The following SOS1 variants were observed in gnomAD, a reference collection of about 807,000 sequenced individuals.
SOS1 encodes son of sevenless homolog 1.
Under a neutral mutation model 157.6 loss-of-function variants are expected in SOS1, and 25 were observed. That is an observed-to-expected ratio of 0.16 (90% CI 0.12 to 0.22). The LOEUF (loss-of-function observed/expected upper bound fraction) is 0.22, where lower values mean the gene tolerates loss of function less well. Ranked by LOEUF, SOS1 falls within the 10% of genes least tolerant of loss-of-function variation. The pLI is 1.00. For synonymous variants in SOS1, 528 were observed against 534.0 expected, an observed-to-expected ratio of 0.99 and a Z score of 0.16; for missense variants, 1,237 against 1,599.1, an observed-to-expected ratio of 0.77 and a Z score of 3.86.
Position 39,007,114 on chromosome 2 carries a change from C to G in SOS1, c.2590G>C (p.Glu864Gln), listed in dbSNP as rs778194173. 6.2e-7 allele frequency: 1 copy of G among 1,604,696 alleles called. No individual in the cohort carries two copies. The highest frequency in any genetic ancestry group is 8.5e-7 in the Non-Finnish European group (1 of 1,171,534). Residue 864 changes from glutamate to glutamine, a missense_variant, in exon 16 of 23, where the codon GAG (glutamate) becomes CAG (glutamine). Around this residue, in one of 15 missense-constraint regions of SOS1, gnomAD observed 105 missense variants for 236.0 expected, o/e 0.44. Coordinates refer to ENST00000402219, the MANE Select transcript of SOS1 (RefSeq NM_005633.4). Reference sequence around the variant, plus strand: ...AGGACACCATTAAAGTTGTTCAACTCTTGAAAGACTTGTAGAATCTCAATA... The same window carrying G: ...AGGACACCATTAAAGTTGTTCAACTGTTGAAAGACTTGTAGAATCTCAATA... ...RIIEILQVFQ[E>Q]LNNFNGVLEV...
chr2:39,074,599 G>A (rs1671900756), intron 1 of SOS1, among the ~76,000 whole-genome samples: 1 of 152,112 alleles, frequency 6.6e-6, no homozygotes, highest in Non-Finnish European at 1.5e-5. Flanking sequence ...TGGGCACGGT[G>A]GCTCATGCCT....
chr2:38,990,056 GTTGT>G (rs1394116608), intron 20 of SOS1, among the ~76,000 whole-genome samples: 1 of 152,016 alleles, frequency 6.6e-6, no homozygotes, highest in Non-Finnish European at 1.5e-5. Context: ...AATCAATATA[GTTGT>G]TTGTTTGTAC....
intron 8 of SOS1, among the ~76,000 whole-genome samples, chr2:39,030,765 T>C (rs1385904309): frequency 1.3e-5 from 2 of 152,206 alleles, no homozygotes; most frequent in African/African-American, 2.4e-5. Context: ...GTGATCTTCT[T>C]TGGAAATAGG....
At chr2:39,010,315 CAAAAAA>C (rs113164980) in intron 15 of SOS1, among the ~76,000 whole-genome samples, 5 of 91,628 alleles carry the variant, frequency 5.5e-5, no homozygotes, top group African/African-American at 1.6e-4. Context: ...GACTCTGTCT[CAAAAAA>C]AAAAAAAAAG....
Position 39,056,816 on chromosome 2 carries a change from T to C in SOS1, c.396A>G (p.Ala132=), listed in dbSNP as rs727505385. The change falls in exon 4 of 23, where the codon GCA becomes GCG. Residue 132 remains alanine (A), a synonymous_variant. Coordinates refer to ENST00000402219, the MANE Select transcript of SOS1 (RefSeq NM_005633.4). ...IDHQVSVYIV[A]VLEYISADIL... is the part of the protein sequence containing the mutation. Reference sequence around the variant, plus strand: ...TGTCTGCAGAAATGTATTCTAAGACTGCTACTATGTAAACAGAAACCTGGT... The same window carrying C: ...TGTCTGCAGAAATGTATTCTAAGACCGCTACTATGTAAACAGAAACCTGGT... The C allele has an allele frequency of 6.2e-7, 1 of 1,606,330 alleles. No individual in the cohort carries two copies. The highest frequency in any genetic ancestry group is 8.5e-7 in the Non-Finnish European group (1 of 1,172,988).
chr2:38,986,037 T>G lies in SOS1; in HGVS notation c.3789A>C (p.Thr1263=). 6.2e-7 allele frequency: 1 copy of G among 1,613,544 alleles called. No homozygotes were observed. Among genetic ancestry groups the G allele is most frequent in the Non-Finnish European group, 8.5e-7 (1 of 1,179,808 alleles). Residue 1263 remains threonine (T), a synonymous_variant, in exon 23 of 23, where the codon ACA becomes ACC. Coordinates refer to ENST00000402219, the MANE Select transcript of SOS1 (RefSeq NM_005633.4). ...GCCTTCTTGTGCCGTGAGGAGAAGG[T>G]GTTTGAGGAGGAGGTGGTGTAAAGG... The part of the protein sequence containing the change: ...PSPFTPPPPQ[T]PSPHGTRRHL...
chr2:39,104,710 T>A (rs1204406956), intron 1 of SOS1, among the ~76,000 whole-genome samples: 1 of 152,202 alleles, frequency 6.6e-6, no homozygotes, highest in Non-Finnish European at 1.5e-5. Flanking sequence ...AATGTCCACC[T>A]GAATAGAGTA....
At chr2:39,075,766 C>G (rs1402645627) in intron 1 of SOS1, among the ~76,000 whole-genome samples, 1 of 151,878 alleles carries the variant, frequency 6.6e-6, no homozygotes, top group Non-Finnish European at 1.5e-5. Context: ...GTATTATACA[C>G]AAGAAGGAGG....
chr2:39,030,646 G>A (rs1039527202), intron 8 of SOS1, among the ~76,000 whole-genome samples: 1 of 152,044 alleles, frequency 6.6e-6, no homozygotes, highest in African/African-American at 2.4e-5. Flanking sequence ...TGGAGAATCA[G>A]AACAACAAAA....
chr2:39,108,386 G>A (rs1185707307), intron 1 of SOS1, among the ~76,000 whole-genome samples: 1 of 152,144 alleles, frequency 6.6e-6, no homozygotes, highest in East Asian at 1.9e-4. Context: ...CTGCTGACAA[G>A]ATAAAATGCA....
At chr2:39,058,564 A>AT (rs1671294556) in intron 3 of SOS1, 109 bp downstream of exon 3, 2 of 1,197,422 alleles carry the variant, frequency 1.7e-6, no homozygotes, top group East Asian at 4.8e-5. Context: ...GAATGAGAGA[A>AT]TTTTACTCTT....
intron 6 of SOS1, among the ~76,000 whole-genome samples, chr2:39,044,356 T>C (rs529146969): frequency 3.8e-4 from 58 of 152,314 alleles, no homozygotes; most frequent in African/African-American, 1.3e-3. Flanking sequence ...ATGAGAACTT[T>C]TGTTATATCA....
chr2:39,047,263 C>T (rs949404196), intron 6 of SOS1, among the ~76,000 whole-genome samples: 12 of 152,166 alleles, frequency 7.9e-5, no homozygotes, highest in Non-Finnish European at 1.2e-4. Flanking sequence ...TGCCAGATAG[C>T]ATTTTATTGT....
At chr2:39,078,532 G>A (rs1572876242) in intron 1 of SOS1, among the ~76,000 whole-genome samples, 1 of 152,240 alleles carries the variant, frequency 6.6e-6, no homozygotes, top group Non-Finnish European at 1.5e-5. Context: ...GAGCAGGTGA[G>A]CAGCCTACCG....
intron 15 of SOS1, 111 bp from the exon 16 acceptor site, chr2:39,007,304 A>G (rs1425762593): frequency 1.1e-5 from 8 of 728,810 alleles, no homozygotes; most frequent in African/African-American, 1.8e-5. Context: ...TGGCGATAGT[A>G]TAACTACTAT....
At chr2:39,031,452 A>G (rs1572837986) in intron 8 of SOS1, among the ~76,000 whole-genome samples, 1 of 152,202 alleles carries the variant, frequency 6.6e-6, no homozygotes, top group Non-Finnish European at 1.5e-5. Context: ...TGGTCAGGCC[A>G]GGTGTGGGGG....
At chr2:39,009,760 T>A (rs889661675) in intron 15 of SOS1, among the ~76,000 whole-genome samples, 2 of 152,052 alleles carry the variant, frequency 1.3e-5, no homozygotes, top group African/African-American at 4.8e-5. Flanking sequence ...AGAAAGGGAA[T>A]AGAGCTACAT....
At chr2:39,073,406 T>C (rs113800708) in intron 1 of SOS1, among the ~76,000 whole-genome samples, 1 of 152,232 alleles carries the variant, frequency 6.6e-6, no homozygotes, top group Non-Finnish European at 1.5e-5. Flanking sequence ...AAATTTCATA[T>C]ACTTCTTTAT....
At chr2:39,057,810 C>T (rs1048962130) in intron 3 of SOS1, among the ~76,000 whole-genome samples, 1 of 152,030 alleles carries the variant, frequency 6.6e-6, no homozygotes, top group Non-Finnish European at 1.5e-5. Flanking sequence ...ATTCAAAGAA[C>T]TGAATGCAAA....
Sources: allele counts gnomAD v4.1 joint callset (sites outside exome capture counted in the v4.1 genomes callset), GRCh38; gene constraint gnomAD v4.1.1; regional missense constraint gnomAD v4.1.1; transcripts MANE v1.5; gene names NCBI Gene and HGNC (gene_info 2026-07-23, HGNC 2026-07-21).